Variants in PEPD observed in about 807,000 individuals in gnomAD.
PEPD encodes xaa-Pro dipeptidase.
Under a neutral mutation model 60.7 loss-of-function variants are expected in PEPD, and 53 were observed. That is an observed-to-expected ratio of 0.87 (90% CI 0.70 to 1.10). The LOEUF (loss-of-function observed/expected upper bound fraction) is 1.10, where lower values mean the gene tolerates loss of function less well. PEPD is among the 50% of genes least tolerant of loss of function. The pLI is 0.00. For synonymous variants in PEPD, 267 were observed against 284.1 expected (o/e 0.94, Z 0.60); for missense variants, 711 against 711.9 (o/e 1.00, Z 0.01).
At chr19:33,430,117 G>C (rs1969238160) in intron 9 of PEPD, among the ~76,000 whole-genome samples, 1 of 152,150 alleles carries the variant, frequency 6.6e-6, no homozygotes, top group Admixed American at 6.5e-5. Flanking sequence ...ATAATGCAGA[G>C]AGGATGCCAC....
chr19:33,511,846 G>A (rs971372258), intron 2 of PEPD, among the ~76,000 whole-genome samples: 8 of 152,170 alleles, frequency 5.3e-5, no homozygotes, highest in African/African-American at 1.7e-4. Flanking sequence ...TTGCAGCTGC[G>A]CGAACAATGG....
At chr19:33,492,930 A>G (rs2145321816) in intron 5 of PEPD, among the ~76,000 whole-genome samples, 1 of 152,228 alleles carries the variant, frequency 6.6e-6, no homozygotes, top group East Asian at 1.9e-4. Context: ...AGACTGGAGC[A>G]CAGTGGCGCG....
intron 5 of PEPD, among the ~76,000 whole-genome samples, chr19:33,490,909 T>C (rs994976448): frequency 6.6e-6 from 1 of 151,832 alleles, no homozygotes; most frequent in African/African-American, 2.4e-5. Context: ...GTGATCCGCG[T>C]ACCTCGGCCT....
In PEPD at chr19:33,470,089, A is replaced by C. The variant is rs924474765; in HGVS notation, c.549-6027T>G. Among the ~76,000 whole-genome samples the C allele has an allele frequency of 9.9e-5, 15 of 150,954 alleles. 1 individual carries two copies. In the South Asian group the frequency reaches 3.2e-3, roughly 32 times the overall value. On this transcript the variant is annotated intron_variant, in intron 7 of 14. Transcript: ENST00000244137. ...GGCGTCATCCTAGACGCCCTCTCCCATCACATCCATCCGCTGCTTCCCACA... is the reference window on the plus strand; with the variant it reads ...GGCGTCATCCTAGACGCCCTCTCCCCTCACATCCATCCGCTGCTTCCCACA...
chr19:33,387,439 C>T lies in PEPD; in HGVS notation c.1387G>A (p.Glu463Lys). 6 of 1,614,004 alleles carry T rather than the reference C, an allele frequency of 3.7e-6. No individual in the cohort carries two copies. The highest frequency in any genetic ancestry group is 5.1e-6 in the Non-Finnish European group (6 of 1,180,034). The change falls in exon 15 of 15, where the codon GAG becomes AAG. Residue 463 changes from glutamate to lysine, a missense_variant. Physicochemically the swap from Glu to Lys is moderately conservative, Grantham distance 56. Transcript: ENST00000244137. ...GTGCGGGGCACGCAGGTCAGCAGCT[C>T]TATGCCGCTGTCAGTCACCACGACG... ...EDVVVTDSGI[E>K]LLTCVPRTVE...
intron 12 of PEPD, among the ~76,000 whole-genome samples, chr19:33,392,254 G>T: frequency 6.6e-6 from 1 of 152,188 alleles, no homozygotes; most frequent in East Asian, 1.9e-4. Flanking sequence ...AGAGCTTTGG[G>T]GGCCACACAG....
intron 4 of PEPD, among the ~76,000 whole-genome samples, chr19:33,500,576 C>T (rs191420222): frequency 1.1e-4 from 16 of 152,286 alleles, no homozygotes. Context: ...AACCAGGGCT[C>T]GAGACACACG....
chr19:33,462,282 C>T (rs10424312), intron 9 of PEPD, among the ~76,000 whole-genome samples: 59,887 of 152,130 alleles, frequency 0.39, 12,413 homozygotes, highest in African/African-American at 0.52. Context: ...GGATGGCAGC[C>T]TCTTCAGTGT....
intron 9 of PEPD, among the ~76,000 whole-genome samples, chr19:33,447,975 G>A (rs938905543): frequency 1.4e-4 from 22 of 152,336 alleles, no homozygotes; most frequent in Admixed American, 1.3e-3. Context: ...CAGGGATGGG[G>A]AGGAGCCTCA....
chr19:33,515,700 C>CAAA (rs1316687335), intron 1 of PEPD, among the ~76,000 whole-genome samples: 1 of 151,596 alleles, frequency 6.6e-6, no homozygotes, highest in African/African-American at 2.4e-5. Context: ...CCACAGTCGT[C>CAAA]GAATAGCATG....
intron 11 of PEPD, among the ~76,000 whole-genome samples, chr19:33,409,767 C>T (rs1968721068): frequency 6.6e-6 from 1 of 152,242 alleles, no homozygotes; most frequent in East Asian, 1.9e-4. Context: ...CTCTAGTCCC[C>T]TGCTGAGCCA....
chr19:33,466,993 T>TA (rs1311270722), intron 7 of PEPD, among the ~76,000 whole-genome samples: 1 of 151,464 alleles, frequency 6.6e-6, no homozygotes, highest in Non-Finnish European at 1.5e-5. Context: ...CCATCTCTAC[T>TA]AAAAATACAA....
At chr19:33,441,951 C>T (rs1407292611) in intron 9 of PEPD, among the ~76,000 whole-genome samples, 3 of 152,258 alleles carry the variant, frequency 2.0e-5, no homozygotes, top group African/African-American at 7.2e-5. Context: ...AGAAGCAGGT[C>T]TCCTTCTGTG....
At chr19:33,440,993 G>A (rs1042135578) in intron 9 of PEPD, among the ~76,000 whole-genome samples, 4 of 152,198 alleles carry the variant, frequency 2.6e-5, no homozygotes, top group African/African-American at 7.2e-5. Context: ...CTGCTTGGCC[G>A]GGAGCAGGGA....
In PEPD at chr19:33,387,030, C is replaced by A; in HGVS notation, c.*314G>T. 1 of 386,386 alleles carries A rather than the reference C, an allele frequency of 2.6e-6. No individual in the cohort carries two copies. 23.9% of individuals were successfully genotyped at this position (386,386 alleles called of 1,614,324 possible). A position where few individuals can be genotyped will look rare whatever the true frequency, so the allele number is the denominator to read the frequency against. ...AGAAAGTATCAGAAATGCTTCTTTC[C>A]TGGGAAAAGGAATATAAATGACAGC... is the stretch of plus-strand genomic sequence containing the variant. On this transcript the variant is annotated 3_prime_UTR_variant, in exon 15 of 15. Coordinates refer to ENST00000244137, the MANE Select transcript of PEPD (RefSeq NM_000285.4).
chr19:33,412,885 T>C (rs900477750), intron 10 of PEPD, among the ~76,000 whole-genome samples: 5 of 152,134 alleles, frequency 3.3e-5, no homozygotes, highest in Non-Finnish European at 7.4e-5. Context: ...CCAGGACGCA[T>C]GTGGGGGCAG....
intron 3 of PEPD, among the ~76,000 whole-genome samples, chr19:33,503,081 T>C (rs902606493): frequency 5.3e-5 from 8 of 152,028 alleles, no homozygotes; most frequent in African/African-American, 1.9e-4. Context: ...GTGTCCTATG[T>C]GCCATTCTCA....
chr19:33,413,711 G>T, intron 9 of PEPD, 68 bp from the exon 10 acceptor site: 1 of 953,810 alleles, frequency 1.0e-6, no homozygotes. Context: ...CGAGCCCCAT[G>T]AACCCCAAGG....
intron 9 of PEPD, among the ~76,000 whole-genome samples, chr19:33,448,575 CCT>C (rs750634884): frequency 3.3e-5 from 5 of 152,044 alleles, no homozygotes; most frequent in Non-Finnish European, 7.4e-5. Flanking sequence ...AATACATGAC[CCT>C]TTCGACTATC....
Sources: allele counts gnomAD v4.1 joint callset (sites outside exome capture counted in the v4.1 genomes callset), GRCh38; gene constraint gnomAD v4.1.1; transcripts MANE v1.5; gene names NCBI Gene and HGNC (gene_info 2026-07-23, HGNC 2026-07-21).